Variants in IRF2 observed in about 807,000 individuals in gnomAD.
IRF2 encodes interferon regulatory factor 2.
A neutral mutation model predicts 40.6 loss-of-function variants in IRF2; 15 were observed. The ratio of observed to expected loss-of-function variants is 0.37; its 90% confidence interval spans 0.25 to 0.57. The LOEUF (loss-of-function observed/expected upper bound fraction) is 0.57, where lower values mean the gene tolerates loss of function less well. Ranked by LOEUF, IRF2 falls within the 20% of genes least tolerant of loss-of-function variation. The pLI, the probability that IRF2 is intolerant of heterozygous loss-of-function variation, is 0.77. For synonymous variants in IRF2, 151 were observed against 165.5 expected, an observed-to-expected ratio of 0.91 and a Z score of 0.67; for missense variants, 317 against 455.7, an observed-to-expected ratio of 0.70 and a Z score of 2.77.
chr4:184,390,914 C>G (rs1736238617), intron 7 of IRF2, among the ~76,000 whole-genome samples, 165 bp from the exon 8 acceptor site: 1 of 152,240 alleles, frequency 6.6e-6, no homozygotes, highest in African/African-American at 2.4e-5. Flanking sequence ...AATTTCAACT[C>G]TGTAATCTTC....
intron 7 of IRF2, among the ~76,000 whole-genome samples, chr4:184,391,696 G>A (rs998137196): frequency 6.6e-6 from 1 of 152,238 alleles, no homozygotes; most frequent in African/African-American, 2.4e-5. Context: ...GCTAAGCCAC[G>A]CCTGGATTCG....
chr4:184,398,025 T>C (rs2149892819), intron 7 of IRF2, among the ~76,000 whole-genome samples: 1 of 152,338 alleles, frequency 6.6e-6, no homozygotes, highest in South Asian at 2.1e-4. Flanking sequence ...CTCAGTCATC[T>C]GGCCTAATTA....
At chr4:184,437,336 A>G (rs1185121335) in intron 1 of IRF2, among the ~76,000 whole-genome samples, 2 of 151,610 alleles carry the variant, frequency 1.3e-5, no homozygotes, top group African/African-American at 2.4e-5. Context: ...GATTACAGGC[A>G]TGAGCCACCG....
At chr4:184,461,770 G>C (rs1276809776) in intron 1 of IRF2, among the ~76,000 whole-genome samples, 3 of 123,980 alleles carry the variant, frequency 2.4e-5, no homozygotes, top group Non-Finnish European at 4.7e-5. Context: ...TGCATTAAAA[G>C]CACCTGTAAG....
chr4:184,441,917 G>T (rs1273535724), intron 1 of IRF2, among the ~76,000 whole-genome samples: 2 of 152,146 alleles, frequency 1.3e-5, no homozygotes, highest in South Asian at 4.1e-4. Context: ...TGGAGTCTTA[G>T]GCCCTGACTT....
chr4:184,418,231 T>A lies in IRF2; in HGVS notation c.365-18A>T. 6.2e-7 allele frequency: 1 copy of A among 1,602,884 alleles called. No individual in the cohort carries two copies. Among genetic ancestry groups the A allele is most frequent in the Non-Finnish European group, 8.5e-7 (1 of 1,169,784 alleles). On this transcript the variant is annotated intron_variant, in intron 4 of 8. Transcript: ENST00000393593. ...TTTCTTTCCTGTGGCAACAAAAATGTAGTTTTGGATTAATTCACGAAGGGC... is the reference window on the plus strand; with the variant it reads ...TTTCTTTCCTGTGGCAACAAAAATGAAGTTTTGGATTAATTCACGAAGGGC...
intron 1 of IRF2, among the ~76,000 whole-genome samples, chr4:184,460,178 C>CA (rs1266741655): frequency 1.3e-5 from 2 of 152,196 alleles, no homozygotes; most frequent in African/African-American, 4.8e-5. Context: ...ATGCATGCTA[C>CA]AACATGGGTG....
chr4:184,401,737 G>T (rs1202878242), intron 6 of IRF2, among the ~76,000 whole-genome samples: 1 of 152,154 alleles, frequency 6.6e-6, no homozygotes. Flanking sequence ...AACCAAATGG[G>T]GTGTGAGAGT....
rs534469117 is a variant in IRF2 at position 184,395,344 on chromosome 4, T to C, written c.694+3571A>G. On this transcript the variant is annotated intron_variant, in intron 7 of 8. Coordinates refer to ENST00000393593, the MANE Select transcript of IRF2 (RefSeq NM_002199.4). ...AGGAGAATGGCGTGAACCCGGGAGG[T>C]GGAGCTTGCAGTGAGCCGAGATCGC... is the stretch of plus-strand genomic sequence containing the variant. Among the ~76,000 whole-genome samples the C allele has an allele frequency of 5.2e-3, 657 of 126,750 alleles. 3 individuals are homozygous for C. The highest frequency in any genetic ancestry group is 7.8e-3 in the Non-Finnish European group (505 of 64,346). 83.2% of individuals were successfully genotyped at this position (126,750 alleles called of 152,430 possible). A position where few individuals can be genotyped will look rare whatever the true frequency, so the allele number is the denominator to read the frequency against.
intron 2 of IRF2, among the ~76,000 whole-genome samples, chr4:184,421,510 C>A (rs1489979084): frequency 2.0e-5 from 3 of 152,072 alleles, no homozygotes; most frequent in Non-Finnish European, 4.4e-5. Context: ...AAAATGAATA[C>A]AAGTGAAAAT....
intron 1 of IRF2, among the ~76,000 whole-genome samples, chr4:184,464,628 C>T (rs560562905): frequency 1.3e-5 from 2 of 152,188 alleles, no homozygotes; most frequent in East Asian, 3.9e-4. Flanking sequence ...GATAATAAAA[C>T]CTCTAATCTC....
chr4:184,447,394 G>A (rs1192382438), intron 1 of IRF2, among the ~76,000 whole-genome samples: 1 of 152,158 alleles, frequency 6.6e-6, no homozygotes, highest in African/African-American at 2.4e-5. Context: ...AATGTAGAAT[G>A]CAAACAAATA....
At chr4:184,472,774 C>T (rs1739558915) in intron 1 of IRF2, among the ~76,000 whole-genome samples, 1 of 152,192 alleles carries the variant, frequency 6.6e-6, no homozygotes, top group Admixed American at 6.5e-5. Flanking sequence ...GCCGCCAGTC[C>T]CCGGGATCAC....
intron 2 of IRF2, among the ~76,000 whole-genome samples, chr4:184,428,157 A>G (rs2149903680): frequency 6.6e-6 from 1 of 152,358 alleles, no homozygotes; most frequent in South Asian, 2.1e-4. Context: ...CAGGTTGTAA[A>G]TGACTGGCTG....
At position 184,419,688 on chromosome 4, in the gene IRF2, G is replaced by C. The variant is rs192065155; in HGVS notation, c.88-120C>G. On this transcript the variant is annotated intron_variant, in intron 2 of 8. Transcript: ENST00000393593. ...CCCAGCAAGCATCGCTGAATGTGTTGACTGCTGACAAGAAAATCTACTGTA... is the reference window on the plus strand; with the variant it reads ...CCCAGCAAGCATCGCTGAATGTGTTCACTGCTGACAAGAAAATCTACTGTA... 68 of 675,252 alleles carry C rather than the reference G, an allele frequency of 1.0e-4. No homozygotes were observed. The African/African-American group carries it at 1.1e-3, about 11-fold the overall frequency. The allele number at this position is 675,252 out of a possible 1,614,324, so 41.8% of individuals were successfully genotyped here.
chr4:184,427,516 C>T (rs995658471), intron 2 of IRF2, among the ~76,000 whole-genome samples: 2 of 152,026 alleles, frequency 1.3e-5, no homozygotes, highest in Non-Finnish European at 1.5e-5. Context: ...TATCCAGGAG[C>T]GCACCTGTGG....
intron 1 of IRF2, among the ~76,000 whole-genome samples, chr4:184,463,658 A>ATT (rs200334992): frequency 6.8e-6 from 1 of 147,852 alleles, no homozygotes; most frequent in African/African-American, 2.4e-5. Flanking sequence ...ATATATATAT[A>ATT]TTTTTTTTTT....
intron 2 of IRF2, among the ~76,000 whole-genome samples, chr4:184,425,349 T>A (rs771993650): frequency 5.9e-5 from 9 of 152,190 alleles, no homozygotes; most frequent in Non-Finnish European, 1.0e-4. Flanking sequence ...AAATGCCCTG[T>A]GGGAGTGTAG....
chr4:184,445,497 T>A (rs4862370), intron 1 of IRF2, among the ~76,000 whole-genome samples: 79,002 of 151,684 alleles, frequency 0.52, 22,040 homozygotes, highest in Middle Eastern at 0.63. Context: ...CTACTAAAAT[T>A]TATATAAATT....
Sources: allele counts gnomAD v4.1 joint callset (sites outside exome capture counted in the v4.1 genomes callset), GRCh38; gene constraint gnomAD v4.1.1; transcripts MANE v1.5; gene names NCBI Gene and HGNC (gene_info 2026-07-23, HGNC 2026-07-21).